RAD51C: variants seen among roughly 807,000 people sequenced by gnomAD.
The protein encoded by RAD51C is RAD51 paralog C, also known as DNA repair protein RAD51 homolog 3.
In RAD51C, 42 loss-of-function variants were observed where a neutral mutation model predicts 45.0. The observed-to-expected ratio is 0.93, with a 90% CI of 0.73 to 1.21. The LOEUF is 1.21. Among genes scored for constraint, RAD51C ranks in the 50% most tolerant of loss-of-function variants. The probability of loss-of-function intolerance (pLI) is 0.00; values close to 1 mark genes in which losing one functional copy is unlikely to be tolerated. For synonymous variants in RAD51C, 172 were observed against 159.8 expected (o/e 1.08, Z -0.58); for missense variants, 474 against 452.2 (o/e 1.05, Z -0.44).
At position 58,726,017 on chromosome 17, in the gene RAD51C, C is replaced by A. The variant is rs201175471; in HGVS notation, c.965+1917C>A. ...CCCCTGCAAAAAAAAAAAAAAAAAA[C>A]AAGAAAATGATGTACAACACCAACA... On this transcript the variant is annotated intron_variant, in intron 7 of 8. Transcript: ENST00000337432. Among the ~76,000 whole-genome samples the A allele has an allele frequency of 6.0e-3, 813 of 136,106 alleles. 3 individuals are homozygous for A. Among genetic ancestry groups the A allele is most frequent in the Non-Finnish European group, 7.7e-3 (478 of 62,342 alleles). The allele number at this position is 136,106 out of a possible 152,430, so 89.3% of individuals were successfully genotyped here.
chr17:58,710,754 G>A (rs1202424481), intron 5 of RAD51C, among the ~76,000 whole-genome samples: 1 of 152,054 alleles, frequency 6.6e-6, no homozygotes, highest in African/African-American at 2.4e-5. Context: ...GAAATGTGAG[G>A]AGAGAAGTAA....
intron 8 of RAD51C, among the ~76,000 whole-genome samples, chr17:58,733,886 T>G (rs1425318457): frequency 6.6e-6 from 1 of 152,054 alleles, no homozygotes; most frequent in African/African-American, 2.4e-5. Context: ...GCCCAGCTAA[T>G]TTTTATATTT....
In RAD51C at chr17:58,703,897, A is replaced by C. The variant is rs1009937938; in HGVS notation, c.705+568A>C. Among the ~76,000 whole-genome samples the C allele has an allele frequency of 4.7e-5, 7 of 148,410 alleles. No individual in the cohort carries two copies. In the East Asian group the frequency reaches 1.4e-3, roughly 29 times the overall value. ...GAGGATTGCTTGAGCCCAGCAGTTC[A>C]AGGCTACATTGAGCTACCGTGCCAT... is the stretch of plus-strand genomic sequence containing the variant. On this transcript the variant is annotated intron_variant, in intron 4 of 8. Transcript: ENST00000337432.
chr17:58,712,145 G>A (rs1378052268), intron 5 of RAD51C, among the ~76,000 whole-genome samples: 11 of 151,774 alleles, frequency 7.2e-5, no homozygotes, highest in African/African-American at 1.9e-4. Flanking sequence ...TCAGGAGTTC[G>A]AGACCAGCCT....
intron 4 of RAD51C, among the ~76,000 whole-genome samples, chr17:58,707,509 G>A (rs2048414574): frequency 6.7e-6 from 1 of 149,966 alleles, no homozygotes; most frequent in Admixed American, 6.6e-5. Context: ...GCAACAGAGC[G>A]AGACTCCATC....
intron 5 of RAD51C, among the ~76,000 whole-genome samples, chr17:58,718,162 A>G (rs1344573017): frequency 6.6e-6 from 1 of 151,876 alleles, no homozygotes; most frequent in Non-Finnish European, 1.5e-5. Context: ...ACGTTCGGCT[A>G]ATTTTTTGTA....
intron 7 of RAD51C, among the ~76,000 whole-genome samples, chr17:58,727,207 C>T (rs2049196546): frequency 1.3e-5 from 2 of 151,436 alleles, no homozygotes; most frequent in African/African-American, 4.9e-5. Context: ...TCACTTCAAC[C>T]TCCACTTCCT....
intron 5 of RAD51C, among the ~76,000 whole-genome samples, chr17:58,714,859 A>G (rs2048677089): frequency 6.6e-6 from 1 of 152,176 alleles, no homozygotes; most frequent in Non-Finnish European, 1.5e-5. Flanking sequence ...CCTTAATGAC[A>G]TATATGATTC....
At chr17:58,712,398 GAAA>G (rs200264542) in intron 5 of RAD51C, among the ~76,000 whole-genome samples, 1 of 130,664 alleles carries the variant, frequency 7.7e-6, no homozygotes, top group Non-Finnish European at 1.7e-5. Flanking sequence ...TTTTGTAAAA[GAAA>G]AAAAAAGTTC....
chr17:58,713,914 A>G (rs1011380076), intron 5 of RAD51C, among the ~76,000 whole-genome samples: 3 of 151,934 alleles, frequency 2.0e-5, no homozygotes, highest in African/African-American at 4.8e-5. Context: ...TCAGCCTTCC[A>G]TAGGCATGAG....
intron 3 of RAD51C, among the ~76,000 whole-genome samples, chr17:58,699,248 T>C (rs1314675162): frequency 1.3e-5 from 2 of 152,050 alleles, no homozygotes; most frequent in Admixed American, 1.3e-4. Flanking sequence ...CCTTGTGATC[T>C]TCCCGCCTCG....
intron 5 of RAD51C, among the ~76,000 whole-genome samples, chr17:58,710,353 C>A (rs2048517171): frequency 6.7e-6 from 1 of 148,314 alleles, no homozygotes; most frequent in East Asian, 2.0e-4. Flanking sequence ...CAAAAATTAG[C>A]CCGGTGTGGT....
intron 4 of RAD51C, chr17:58,706,746 A>G (rs1567797110): frequency 4.6e-6 from 1 of 216,196 alleles, no homozygotes; most frequent in Non-Finnish European, 1.1e-5. Context: ...GCCTTCGTTC[A>G]TTCTTTCCCA....
At position 58,698,337 on chromosome 17, in the gene RAD51C, C is replaced by A. The variant is rs1204347433; in HGVS notation, c.571+1478C>A. Among the ~76,000 whole-genome samples the A allele has an allele frequency of 2.0e-5, 3 of 151,898 alleles. No individual in the cohort carries two copies. In the East Asian group the frequency reaches 5.8e-4, roughly 30 times the overall value. The stretch of plus-strand genomic sequence containing the variant: ...AGCTGGGACTACAGGCACCCACCAC[C>A]ATGCCCAGCTAATTTTTTTTGTATT... On this transcript the variant is annotated intron_variant, in intron 3 of 8. Transcript: ENST00000337432.
intron 7 of RAD51C, among the ~76,000 whole-genome samples, chr17:58,728,037 G>C (rs1383075024): frequency 2.0e-5 from 3 of 151,904 alleles, no homozygotes; most frequent in Non-Finnish European, 4.4e-5. Context: ...GAGGTTGGGA[G>C]TTCTAGACCA....
intron 3 of RAD51C, among the ~76,000 whole-genome samples, chr17:58,699,168 G>T (rs530792277): frequency 2.6e-5 from 4 of 151,716 alleles, no homozygotes; most frequent in African/African-American, 9.7e-5. Context: ...CACAATGCCC[G>T]GCTAATTTTT....
chr17:58,721,075 G>T (rs1327123239), intron 6 of RAD51C, among the ~76,000 whole-genome samples: 1 of 152,142 alleles, frequency 6.6e-6, no homozygotes. Flanking sequence ...GAGGCCAGGA[G>T]TTCAAGACCA....
chr17:58,732,397 T>C (rs2049464224), intron 7 of RAD51C, 87 bp from the exon 8 acceptor site: 2 of 1,070,784 alleles, frequency 1.9e-6, no homozygotes, highest in Middle Eastern at 2.8e-4. Flanking sequence ...AATAAACCTA[T>C]ACATTTAAAT....
rs557019948 is a variant in RAD51C, at chr17:58,725,045, T to C, written c.965+945T>C. Among the ~76,000 whole-genome samples, 25 of 152,322 alleles carry C rather than the reference T, an allele frequency of 1.6e-4. No individual in the cohort carries two copies. The South Asian group carries it at 4.6e-3, about 28-fold the overall frequency. On this transcript the variant is annotated intron_variant, in intron 7 of 8. Transcript: ENST00000337432. ...AACAGAATGATTACACTTCTGTATA[T>C]ATCTTTTGCAACTGATCGTGCAGTT...
Sources: gnomAD v4.1 joint callset for allele counts (sites outside exome capture counted in the v4.1 genomes callset) on GRCh38, gnomAD v4.1.1 for gene constraint, MANE v1.5 for transcripts, NCBI Gene and HGNC (gene_info 2026-07-23, HGNC 2026-07-21) for gene names.